SLC9A2: variants seen among roughly 807,000 people sequenced by gnomAD.
SLC9A2 encodes solute carrier family 9 member A2.
Under a neutral mutation model 71.7 loss-of-function variants are expected in SLC9A2, and 42 were observed. The ratio of observed to expected loss-of-function variants is 0.59; its 90% CI spans 0.46 to 0.76. The LOEUF is 0.76. Ranked by LOEUF, SLC9A2 falls within the 30% of genes least tolerant of loss-of-function variation. The pLI is 0.00. For synonymous variants in SLC9A2, 396 were observed against 392.5 expected, an observed-to-expected ratio of 1.01 and a Z score of -0.10; for missense variants, 829 against 1,017.4, an observed-to-expected ratio of 0.81 and a Z score of 2.52.
At chr2:102,673,663 TG>T (rs1187386273) in intron 3 of SLC9A2, among the ~76,000 whole-genome samples, 2 of 152,200 alleles carry the variant, frequency 1.3e-5, no homozygotes, top group African/African-American at 2.4e-5. Context: ...TTAAAAAGGA[TG>T]ATATCCTTTC....
chr2:102,678,368 G>A (rs578145751), intron 3 of SLC9A2, among the ~76,000 whole-genome samples: 2 of 151,748 alleles, frequency 1.3e-5, no homozygotes, highest in South Asian at 2.1e-4. Context: ...GCATGAAAAG[G>A]GGGGGGAAGG....
intron 1 of SLC9A2, among the ~76,000 whole-genome samples, chr2:102,639,729 G>A (rs1676537276): frequency 6.6e-6 from 1 of 151,760 alleles, no homozygotes; most frequent in South Asian, 2.1e-4. Flanking sequence ...TGAGCCCCTG[G>A]TAAACTCTAT....
intron 2 of SLC9A2, among the ~76,000 whole-genome samples, chr2:102,659,900 A>C (rs1209033949): frequency 6.6e-6 from 1 of 152,200 alleles, no homozygotes; most frequent in Non-Finnish European, 1.5e-5. Flanking sequence ...TTTAGTGCAA[A>C]GGGAACTTTA....
At chr2:102,676,039 C>G (rs903820532) in intron 3 of SLC9A2, among the ~76,000 whole-genome samples, 2 of 152,198 alleles carry the variant, frequency 1.3e-5, no homozygotes, top group South Asian at 4.1e-4. Context: ...ACAGACCATA[C>G]TGCTCTAATA....
At chr2:102,624,400 G>A (rs576896357) in intron 1 of SLC9A2, among the ~76,000 whole-genome samples, 2 of 152,096 alleles carry the variant, frequency 1.3e-5, no homozygotes, top group African/African-American at 2.4e-5. Flanking sequence ...GGGGTTCTAC[G>A]ACCTGGAATA....
At chr2:102,678,322 G>T (rs1677380365) in intron 3 of SLC9A2, among the ~76,000 whole-genome samples, 1 of 114,334 alleles carries the variant, frequency 8.7e-6, no homozygotes. Flanking sequence ...ACTAGGTATG[G>T]AAAATTAAAA....
At chr2:102,622,143 C>A (rs1676152190) in intron 1 of SLC9A2, among the ~76,000 whole-genome samples, 1 of 152,070 alleles carries the variant, frequency 6.6e-6, no homozygotes, top group South Asian at 2.1e-4. Flanking sequence ...GATGGGCTTC[C>A]CCACCTATAA....
intron 1 of SLC9A2, among the ~76,000 whole-genome samples, chr2:102,645,268 G>A (rs192891584): frequency 1.3e-5 from 2 of 152,176 alleles, no homozygotes; most frequent in Admixed American, 1.3e-4. Context: ...CAACAAAAAG[G>A]ATGCCCACAG....
intron 1 of SLC9A2, among the ~76,000 whole-genome samples, chr2:102,621,984 C>A (rs1676148771): frequency 6.6e-6 from 1 of 152,154 alleles, no homozygotes; most frequent in African/African-American, 2.4e-5. Flanking sequence ...GGAAGCAAAT[C>A]TTCATGCCAG....
intron 3 of SLC9A2, 108 bp downstream of exon 3, chr2:102,665,458 T>G: frequency 8.2e-7 from 1 of 1,216,642 alleles, no homozygotes. Context: ...CTAGGTTTTC[T>G]TATTCTTTTA....
intron 1 of SLC9A2, among the ~76,000 whole-genome samples, chr2:102,648,152 G>A (rs1321763205): frequency 6.6e-6 from 1 of 152,144 alleles, no homozygotes; most frequent in Non-Finnish European, 1.5e-5. Flanking sequence ...CCACAATCAA[G>A]TTGGCTTCAT....
At chr2:102,639,775 G>A (rs1676537984) in intron 1 of SLC9A2, among the ~76,000 whole-genome samples, 1 of 152,110 alleles carries the variant, frequency 6.6e-6, no homozygotes, top group Non-Finnish European at 1.5e-5. Flanking sequence ...TCCATTCTAG[G>A]TACCTTATGT....
At chr2:102,704,197 T>C (rs1677927956) in intron 9 of SLC9A2, among the ~76,000 whole-genome samples, 2 of 152,104 alleles carry the variant, frequency 1.3e-5, no homozygotes, top group South Asian at 2.1e-4. Flanking sequence ...ATACCTGTAA[T>C]AACAACTTGG....
intron 1 of SLC9A2, among the ~76,000 whole-genome samples, chr2:102,645,026 G>A (rs978079050): frequency 6.6e-6 from 1 of 152,276 alleles, no homozygotes; most frequent in African/African-American, 2.4e-5. Flanking sequence ...AGCAGGGGTC[G>A]ACAGACACCT....
rs78320476 is a variant in SLC9A2 at position 102,656,696 on chromosome 2, A to G, written c.290-868A>G. Among the ~76,000 whole-genome samples, 1,082 of 152,314 alleles carry G rather than the reference A, an allele frequency of 7.1e-3. 14 individuals carry two copies. Among genetic ancestry groups the G allele is most frequent in the African/African-American group, 0.024 (1,009 of 41,556 alleles). The stretch of plus-strand genomic sequence containing the variant: ...GACGTTAAAAATAAATAAATTGCCA[A>G]TGTTTCTGAATGCCACAGATGAGAG... On this transcript the variant is annotated intron_variant, in intron 1 of 11. Transcript: ENST00000233969.
intron 9 of SLC9A2, 24 bp downstream of exon 9, chr2:102,702,526 A>G: frequency 7.3e-7 from 1 of 1,360,960 alleles, no homozygotes; most frequent in Non-Finnish European, 1.0e-6. Context: ...ATGTAGCAAA[A>G]TATTTACTTA....
In SLC9A2 at chr2:102,707,993, C is replaced by A. The variant is rs1490763083; in HGVS notation, c.2069-126C>A. The A allele has an allele frequency of 3.9e-6, 4 of 1,018,654 alleles. No homozygotes were observed. In the East Asian group the frequency reaches 7.1e-5, roughly 18 times the overall value. The allele number at this position is 1,018,654 out of a possible 1,614,324, so 63.1% of individuals were successfully genotyped here. On this transcript the variant is annotated intron_variant, in intron 11 of 11. Transcript: ENST00000233969. ...CCACTCACCTAAAATTAGCATAAGC[C>A]TGCTAGCCTCCCCTCTCCCCAGAGC...
intron 1 of SLC9A2, among the ~76,000 whole-genome samples, chr2:102,622,568 GA>G (rs1676161429): frequency 6.6e-6 from 1 of 152,068 alleles, no homozygotes; most frequent in Non-Finnish European, 1.5e-5. Context: ...AGGAGAAAAT[GA>G]AAAAATGGGG....
intron 6 of SLC9A2, 145 bp downstream of exon 6, chr2:102,694,648 T>TG (rs1677719888): frequency 2.2e-6 from 1 of 450,850 alleles, no homozygotes; most frequent in Non-Finnish European, 4.0e-6. Flanking sequence ...AGGTATTTGC[T>TG]GGGGGAGTAT....
Sources: gnomAD v4.1 joint callset for allele counts (sites outside exome capture counted in the v4.1 genomes callset) on GRCh38, gnomAD v4.1.1 for gene constraint, MANE v1.5 for transcripts, NCBI Gene and HGNC (gene_info 2026-07-23, HGNC 2026-07-21) for gene names.